The following RBX1 variants were observed in gnomAD, a reference collection of about 807,000 sequenced individuals.
RBX1 encodes E3 ubiquitin-protein ligase RBX1.
For missense variants in RBX1, 46 were observed against 141.4 expected, an observed-to-expected ratio of 0.33 and a Z score of 3.42; for synonymous variants, 48 against 47.9, an observed-to-expected ratio of 1.00 and a Z score of -0.01.
chr22:40,969,229 T>C (rs1737461000), intron 4 of RBX1, among the ~76,000 whole-genome samples: 1 of 152,016 alleles, frequency 6.6e-6, no homozygotes, highest in South Asian at 2.1e-4. Context: ...AGGAGAATAC[T>C]TGAACCCAGG....
In RBX1 at chr22:40,957,356, A is replaced by G. The variant is rs941759657; in HGVS notation, c.157+3723A>G. On this transcript the variant is annotated intron_variant, in intron 2 of 4. Coordinates refer to ENST00000216225, the MANE Select transcript of RBX1 (RefSeq NM_014248.4). ...GCAAAACTCTGTCTCAAAAAAAAAG[A>G]CACTCTTGGCCAGGTGAGGTGGGTC... Among the ~76,000 whole-genome samples, 13 of 148,154 alleles carry G rather than the reference A, an allele frequency of 8.8e-5. No homozygotes were observed. In the East Asian group the frequency reaches 2.5e-3, roughly 28 times the overall value.
At chr22:40,954,673 C>T (rs1236131120) in intron 2 of RBX1, among the ~76,000 whole-genome samples, 1 of 151,436 alleles carries the variant, frequency 6.6e-6, no homozygotes, top group Non-Finnish European at 1.5e-5. Flanking sequence ...TTTCAGATCA[C>T]TCACCTGCCT....
At chr22:40,964,011 C>G in intron 2 of RBX1, 36 bp from the exon 3 acceptor site, 2 of 1,560,850 alleles carry the variant, frequency 1.3e-6, no homozygotes, top group Non-Finnish European at 1.8e-6. Context: ...TTGCTGCTCC[C>G]AAGGTCCAGT....
intron 2 of RBX1, among the ~76,000 whole-genome samples, chr22:40,958,693 G>C (rs753350283): frequency 4.6e-5 from 7 of 152,156 alleles, no homozygotes; most frequent in African/African-American, 7.2e-5. Context: ...TATTCCTGAT[G>C]ATGGGGAATC....
At chr22:40,967,710 A>T in intron 3 of RBX1, 89 bp from the exon 4 acceptor site, 1 of 956,218 alleles carries the variant, frequency 1.0e-6, no homozygotes, top group Non-Finnish European at 1.6e-6. Context: ...ACTATATGTC[A>T]CCCATGCCAC....
At chr22:40,965,317 C>A (rs1366430180) in intron 3 of RBX1, among the ~76,000 whole-genome samples, 2 of 151,320 alleles carry the variant, frequency 1.3e-5, no homozygotes, top group East Asian at 3.9e-4. Flanking sequence ...AAAAAAAAAT[C>A]TAAATAAATA....
intron 4 of RBX1, 50 bp downstream of exon 4, chr22:40,967,934 G>C: frequency 7.7e-7 from 1 of 1,299,040 alleles, no homozygotes; most frequent in Non-Finnish European, 1.1e-6. Context: ...GCCTCAGGCT[G>C]AAAGGAGCGT....
intron 4 of RBX1, among the ~76,000 whole-genome samples, chr22:40,969,106 G>A (rs548155344): frequency 6.6e-6 from 1 of 151,946 alleles, no homozygotes; most frequent in Admixed American, 6.5e-5. Context: ...CTGAGGTTGG[G>A]TGTTCAAGGC....
intron 4 of RBX1, among the ~76,000 whole-genome samples, chr22:40,970,684 T>C (rs1601540640): frequency 6.6e-6 from 1 of 152,212 alleles, no homozygotes; most frequent in East Asian, 1.9e-4. Flanking sequence ...CTGAATTTTT[T>C]ACGGGAAAGG....
chr22:40,969,929 C>T (rs1250146496), intron 4 of RBX1, among the ~76,000 whole-genome samples: 1 of 151,392 alleles, frequency 6.6e-6, no homozygotes, highest in African/African-American at 2.4e-5. Context: ...GATGTGGTGC[C>T]ATGCACTTGT....
chr22:40,964,313 A>G, intron 3 of RBX1, 196 bp downstream of exon 3: 1 of 480,634 alleles, frequency 2.1e-6, no homozygotes, highest in South Asian at 2.8e-5. Flanking sequence ...TACTGCAAAG[A>G]GGCACTTATT....
chr22:40,969,019 A>G (rs1331600038), intron 4 of RBX1, among the ~76,000 whole-genome samples: 3 of 152,024 alleles, frequency 2.0e-5, no homozygotes, highest in Non-Finnish European at 2.9e-5. Context: ...TATTTTTTAA[A>G]AAGTCAGTCC....
chr22:40,953,357 C>T lies in RBX1; in HGVS notation c.79-198C>T, dbSNP rs576220912. 2.6e-5 allele frequency among the ~76,000 whole-genome samples: 4 copies of T among 152,320 alleles called. No individual in the cohort carries two copies. In the East Asian group the frequency reaches 7.7e-4, roughly 29 times the overall value. On this transcript the variant is annotated intron_variant, in intron 1 of 4. Transcript: ENST00000216225. The stretch of plus-strand genomic sequence containing the variant: ...ACATTAATTTCTGTGTTCATATACT[C>T]AGCCTTTTGGAGAATAGAACATACG...
chr22:40,968,296 G>A (rs1375424293), intron 4 of RBX1, among the ~76,000 whole-genome samples: 5 of 151,946 alleles, frequency 3.3e-5, no homozygotes, highest in Non-Finnish European at 5.9e-5. Flanking sequence ...TCACCATGTT[G>A]GCCAGGCTGG....
At chr22:40,954,467 T>G (rs2058319715) in intron 2 of RBX1, among the ~76,000 whole-genome samples, 1 of 152,174 alleles carries the variant, frequency 6.6e-6, no homozygotes, top group South Asian at 2.1e-4. Flanking sequence ...CATGTAGTGG[T>G]CAGCACATAG....
intron 2 of RBX1, among the ~76,000 whole-genome samples, chr22:40,961,789 G>C (rs1022896728): frequency 1.9e-4 from 28 of 149,134 alleles, no homozygotes; most frequent in Non-Finnish European, 3.1e-4. Flanking sequence ...TGCTTTCTCT[G>C]TGTGTGTGTG....
intron 2 of RBX1, among the ~76,000 whole-genome samples, chr22:40,957,909 C>G (rs963631816): frequency 3.0e-4 from 46 of 152,054 alleles, no homozygotes; most frequent in African/African-American, 1.0e-3. Context: ...ACTGCAGTCT[C>G]CACCTTCTGG....
rs904638228 is a variant in RBX1, at chr22:40,963,897, C to T, written c.158-150C>T. 5.2e-5 allele frequency: 33 copies of T among 633,600 alleles called. No homozygotes were observed. In the Admixed American group the frequency reaches 8.6e-4, roughly 17 times the overall value. The allele number at this position is 633,600 out of a possible 1,614,324, so 39.2% of individuals were successfully genotyped here. The stretch of plus-strand genomic sequence containing the variant: ...GGATAGGAAATCGTCAGAAAGCATA[C>T]TGTTATCTCTGTCTTCTCTGTTCTT... On this transcript the variant is annotated intron_variant, in intron 2 of 4. Coordinates refer to ENST00000216225, the MANE Select transcript of RBX1 (RefSeq NM_014248.4).
intron 2 of RBX1, among the ~76,000 whole-genome samples, chr22:40,955,531 A>C (rs9623293): frequency 0.044 from 6,749 of 152,192 alleles, 480 homozygotes; most frequent in African/African-American, 0.15. Flanking sequence ...AAAATGAGAT[A>C]TTTTACATTC....
Sources: allele counts gnomAD v4.1 joint callset (sites outside exome capture counted in the v4.1 genomes callset), GRCh38; gene constraint gnomAD v4.1.1; transcripts MANE v1.5; gene names NCBI Gene and HGNC (gene_info 2026-07-23, HGNC 2026-07-21).